The following UGT1A8 variants were observed in gnomAD, a reference collection of about 807,000 sequenced individuals.
The protein encoded by UGT1A8 is UDP glucuronosyltransferase family 1 member A8.
In UGT1A8, 39 loss-of-function variants were observed where a neutral mutation model predicts 45.3. That is an observed-to-expected ratio of 0.86 (90% CI 0.67 to 1.12). The LOEUF (loss-of-function observed/expected upper bound fraction) is 1.12. Ranked by LOEUF, UGT1A8 falls within the 50% of genes most tolerant of loss-of-function variation. UGT1A8 has a pLI of 0.00. For synonymous variants in UGT1A8, 275 were observed against 249.2 expected (o/e 1.10, Z -0.97); for missense variants, 719 against 664.9 (o/e 1.08, Z -0.90).
At chr2:233,747,242 T>C (rs985835805) in intron 1 of UGT1A8, 31 of 1,603,322 alleles carry the variant, frequency 1.9e-5, no homozygotes, top group African/African-American at 5.4e-5. Flanking sequence ...GTTCCCCTGC[T>C]GTGGCTGGCC....
At chr2:233,749,910 C>A (rs1694301201) in intron 1 of UGT1A8, among the ~76,000 whole-genome samples, 1 of 151,934 alleles carries the variant, frequency 6.6e-6, no homozygotes, top group South Asian at 2.1e-4. Context: ...CCACCTGGAA[C>A]TGTGAGTCAA....
chr2:233,630,876 T>A (rs1188572942), intron 1 of UGT1A8, among the ~76,000 whole-genome samples: 1 of 151,560 alleles, frequency 6.6e-6, no homozygotes, highest in Non-Finnish European at 1.5e-5. Context: ...AGGATACATG[T>A]GCAGAACATG....
intron 1 of UGT1A8, among the ~76,000 whole-genome samples, chr2:233,684,025 T>G (rs28898569): frequency 6.6e-6 from 1 of 152,182 alleles, no homozygotes; most frequent in East Asian, 1.9e-4. Flanking sequence ...GGCAAATGCA[T>G]AGTTGCTAAA....
At chr2:233,720,323 T>C (rs1157201210) in intron 1 of UGT1A8, among the ~76,000 whole-genome samples, 1 of 152,090 alleles carries the variant, frequency 6.6e-6, no homozygotes, top group Non-Finnish European at 1.5e-5. Flanking sequence ...TGTGGGGACA[T>C]CGTAGAGTTT....
chr2:233,638,977 C>T (rs2073377448), intron 1 of UGT1A8, among the ~76,000 whole-genome samples: 1 of 152,172 alleles, frequency 6.6e-6, no homozygotes, highest in Non-Finnish European at 1.5e-5. Context: ...ATTACAGTAC[C>T]AAGCACCACC....
rs370790922 is a variant in UGT1A8 at position 233,760,312 on chromosome 2, C to T, written c.856-6722C>T. ...CATGGCTGTGGAGTCCCAGGGCGGACGCCCACTTGTCCTGGGCCTGCTGCT... is the reference window on the plus strand; with the variant it reads ...CATGGCTGTGGAGTCCCAGGGCGGATGCCCACTTGTCCTGGGCCTGCTGCT... On this transcript the variant is annotated intron_variant, in intron 1 of 4. Coordinates refer to ENST00000373450, the MANE Select transcript of UGT1A8 (RefSeq NM_019076.5). 93 of 1,613,694 alleles carry T rather than the reference C, an allele frequency of 5.8e-5. No individual in the cohort carries two copies. Among genetic ancestry groups the T allele is most frequent in the South Asian group, 2.2e-5 (2 of 91,058 alleles).
At chr2:233,672,911 A>G (rs184184865) in intron 1 of UGT1A8, 1 of 1,505,560 alleles carries the variant, frequency 6.6e-7, no homozygotes, top group Non-Finnish European at 8.8e-7. Context: ...TTCCAGTTTA[A>G]CAAATTATTT....
At chr2:233,760,852 C>A (rs770420506) in intron 1 of UGT1A8, 4 of 1,614,068 alleles carry the variant, frequency 2.5e-6, no homozygotes, top group Non-Finnish European at 3.4e-6. Flanking sequence ...GTGCCCCAAC[C>A]CATTCTCCTA....
chr2:233,633,770 C>A (rs886476283), intron 1 of UGT1A8, among the ~76,000 whole-genome samples: 3 of 152,128 alleles, frequency 2.0e-5, no homozygotes, highest in African/African-American at 7.2e-5. Flanking sequence ...CTCCTGGATT[C>A]ATTGATTTTT....
intron 1 of UGT1A8, chr2:233,754,697 C>T (rs1559399199): frequency 1.4e-5 from 7 of 503,130 alleles, no homozygotes; most frequent in Admixed American, 1.2e-4. Flanking sequence ...CAGTGGAAGT[C>T]GACATGGACT....
chr2:233,647,937 T>A, intron 1 of UGT1A8: 1 of 1,605,246 alleles, frequency 6.2e-7, no homozygotes, highest in Non-Finnish European at 8.5e-7. Flanking sequence ...TGCCCATGGA[T>A]GGGAGCCACT....
chr2:233,738,483 T>C (rs1690800032), intron 1 of UGT1A8, among the ~76,000 whole-genome samples: 1 of 152,200 alleles, frequency 6.6e-6, no homozygotes, highest in African/African-American at 2.4e-5. Flanking sequence ...CCTGGAGACT[T>C]GTTGAACGGT....
At chr2:233,747,134 C>G (rs1693570015) in intron 1 of UGT1A8, 6 of 1,538,798 alleles carry the variant, frequency 3.9e-6, no homozygotes, top group Non-Finnish European at 5.3e-6. Flanking sequence ...GGCTCAGTGA[C>G]AAGGTAATTA....
intron 1 of UGT1A8, among the ~76,000 whole-genome samples, chr2:233,625,013 T>A (rs142913805): frequency 3.3e-4 from 50 of 152,226 alleles, no homozygotes; most frequent in African/African-American, 1.2e-3. Context: ...TCCACACAGA[T>A]CTTTTGATTC....
Position 233,747,767 on chromosome 2 carries a change from A to G in UGT1A8, c.856-19267A>G, listed in dbSNP as rs1240243146. 273 of 1,613,386 alleles carry G rather than the reference A, an allele frequency of 1.7e-4. 1 individual carries two copies. The South Asian group carries it at 2.9e-3, about 17-fold the overall frequency. On this transcript the variant is annotated intron_variant, in intron 1 of 4. Coordinates refer to ENST00000373450, the MANE Select transcript of UGT1A8 (RefSeq NM_019076.5). ...CATGTGATTTAGACTTTAAGGGCAC[A>G]CAGTGTCCAAATCCTTCCTCCTATA... is the stretch of plus-strand genomic sequence containing the variant.
At position 233,682,739 on chromosome 2, in the gene UGT1A8, A is replaced by C. The variant is rs762762821; in HGVS notation, c.855+64177A>C. On this transcript the variant is annotated intron_variant, in intron 1 of 4. Coordinates refer to ENST00000373450, the MANE Select transcript of UGT1A8 (RefSeq NM_019076.5). ...GGAGTATCCCAAACCCGTGATGCCCAATATGATCTTCATTGGTGGTATCAA... is the reference window on the plus strand; with the variant it reads ...GGAGTATCCCAAACCCGTGATGCCCCATATGATCTTCATTGGTGGTATCAA... 65 of 1,613,808 alleles carry C rather than the reference A, an allele frequency of 4.0e-5. No individual in the cohort carries two copies. The highest frequency in any genetic ancestry group is 5.3e-5 in the Non-Finnish European group (63 of 1,179,824).
At chr2:233,705,423 T>C (rs935031731) in intron 1 of UGT1A8, among the ~76,000 whole-genome samples, 2 of 152,256 alleles carry the variant, frequency 1.3e-5, no homozygotes, top group Non-Finnish European at 2.9e-5. Context: ...CAGAGGTGGC[T>C]CATAACTTAT....
chr2:233,637,296 T>A, intron 1 of UGT1A8: 1 of 1,613,996 alleles, frequency 6.2e-7, no homozygotes, highest in Non-Finnish European at 8.5e-7. Context: ...CGGACTTTGT[T>A]TTGGACTATC....
At chr2:233,752,307 G>C (rs1030795011) in intron 1 of UGT1A8, 2 of 152,160 alleles carry the variant, frequency 1.3e-5, no homozygotes, top group African/African-American at 4.8e-5. Context: ...TTCCTTGCCC[G>C]GTGTGCTTGG....
Sources: allele counts gnomAD v4.1 joint callset (sites outside exome capture counted in the v4.1 genomes callset), GRCh38; gene constraint gnomAD v4.1.1; transcripts MANE v1.5; gene names NCBI Gene and HGNC (gene_info 2026-07-23, HGNC 2026-07-21).